The following EYA1 variants were observed in gnomAD, a reference collection of about 807,000 sequenced individuals.
The protein encoded by EYA1 is protein phosphatase EYA1.
In EYA1, 16 loss-of-function variants were observed where a neutral mutation model predicts 82.0. The observed-to-expected ratio is 0.20, with a 90% confidence interval of 0.13 to 0.30. The LOEUF (loss-of-function observed/expected upper bound fraction) is 0.30. Ranked by LOEUF, EYA1 falls within the 10% of genes least tolerant of loss-of-function variation. EYA1 has a pLI of 1.00. For missense variants in EYA1, 633 were observed against 730.7 expected (o/e 0.87, Z 1.54); for synonymous variants, 261 against 264.4 (o/e 0.99, Z 0.12).
chr8:71,317,327 A>G (rs1392617951), intron 7 of EYA1, among the ~76,000 whole-genome samples: 1 of 152,190 alleles, frequency 6.6e-6, no homozygotes, highest in African/African-American at 2.4e-5. Context: ...GCTTTTTGGA[A>G]AGAATGTTAT....
At chr8:71,439,136 T>C (rs1039443822) in intron 2 of EYA1, among the ~76,000 whole-genome samples, 1 of 152,160 alleles carries the variant, frequency 6.6e-6, no homozygotes, top group East Asian at 1.9e-4. Context: ...GATGATTCTG[T>C]AAAGCTGAAT....
chr8:71,441,419 CCAGA>C (rs559257635), intron 2 of EYA1, among the ~76,000 whole-genome samples: 43 of 151,974 alleles, frequency 2.8e-4, no homozygotes, highest in Non-Finnish European at 4.9e-4. Context: ...CAAAAAATCA[CCAGA>C]CAAACAAACC....
intron 2 of EYA1, among the ~76,000 whole-genome samples, chr8:71,371,574 C>A (rs1036318013): frequency 1.3e-5 from 2 of 152,102 alleles, no homozygotes; most frequent in South Asian, 2.1e-4. Flanking sequence ...AGTTAATGCC[C>A]TACTGTTAAA....
Position 71,289,226 on chromosome 8 carries a change from G to A in EYA1, c.826+9821C>T, listed in dbSNP as rs111501845. 4.3e-3 allele frequency among the ~76,000 whole-genome samples: 659 copies of A among 152,300 alleles called. 4 individuals carry two copies. The highest frequency in any genetic ancestry group is 0.014 in the African/African-American group (567 of 41,558). On this transcript the variant is annotated intron_variant, in intron 9 of 17. Coordinates refer to ENST00000340726, the MANE Select transcript of EYA1 (RefSeq NM_000503.6). ...TTTAAGTAGGATACAGGGGAAGCAC[G>A]GAGTGAACTGATTCAGGAAGTGGAA... is the stretch of plus-strand genomic sequence containing the variant.
intron 12 of EYA1, among the ~76,000 whole-genome samples, chr8:71,229,349 T>C (rs1236669635): frequency 6.6e-6 from 1 of 152,216 alleles, no homozygotes. Context: ...TTGTGTCATG[T>C]GTATTTCACG....
intron 2 of EYA1, among the ~76,000 whole-genome samples, chr8:71,428,941 T>G (rs935185190): frequency 6.6e-6 from 1 of 152,146 alleles, no homozygotes; most frequent in Non-Finnish European, 1.5e-5. Flanking sequence ...TCAAGTAGGC[T>G]TCATTGAACC....
At chr8:71,380,641 C>A (rs958183285) in intron 2 of EYA1, among the ~76,000 whole-genome samples, 3 of 152,228 alleles carry the variant, frequency 2.0e-5, no homozygotes, top group African/African-American at 7.2e-5. Context: ...TTTAACTTAG[C>A]ATTACCCTAG....
rs183257072 is a variant in EYA1 at position 71,496,948 on chromosome 8, G to T, written c.33+38796C>A. Among the ~76,000 whole-genome samples, 405 of 149,984 alleles carry T rather than the reference G, an allele frequency of 2.7e-3. 1 individual carries two copies. Among genetic ancestry groups the T allele is most frequent in the African/African-American group, 9.6e-3 (394 of 40,922 alleles). On this transcript the variant is annotated intron_variant, in intron 2 of 18. Transcript: ENST00000643681. ...AAAAGGAAGAGTCATCAATTAAAGT[G>T]CAATCATATGACCCCAAAAGCACAG...
Position 71,347,042 on chromosome 8 carries a change from T to C in EYA1, c.124+7740A>G, listed in dbSNP as rs927108199. 2.6e-5 allele frequency among the ~76,000 whole-genome samples: 4 copies of C among 152,190 alleles called. No individual in the cohort carries two copies. In the South Asian group the frequency reaches 8.3e-4, roughly 32 times the overall value. ...GTGAAACACACATATAAATGAATGT[T>C]GTATATCTTTCATCTTGGCCACAAT... On this transcript the variant is annotated intron_variant, in intron 3 of 17. Transcript: ENST00000340726.
intron 12 of EYA1, among the ~76,000 whole-genome samples, chr8:71,227,662 G>T (rs1246291512): frequency 6.6e-6 from 1 of 152,076 alleles, no homozygotes; most frequent in African/African-American, 2.4e-5. Context: ...ATATTAAATA[G>T]GTCATACATT....
At chr8:71,384,768 A>G (rs1295364160) in intron 2 of EYA1, among the ~76,000 whole-genome samples, 3 of 152,238 alleles carry the variant, frequency 2.0e-5, no homozygotes, top group Non-Finnish European at 4.4e-5. Flanking sequence ...AATTCAACAC[A>G]GAATCCCTTT....
At chr8:71,477,712 C>T (rs530043467) in intron 2 of EYA1, among the ~76,000 whole-genome samples, 1 of 152,188 alleles carries the variant, frequency 6.6e-6, no homozygotes, top group Non-Finnish European at 1.5e-5. Context: ...TATGGCTCAG[C>T]ATGTCTACTC....
At chr8:71,299,970 T>C (rs1303311973) in intron 7 of EYA1, among the ~76,000 whole-genome samples, 3 of 152,222 alleles carry the variant, frequency 2.0e-5, no homozygotes, top group Non-Finnish European at 1.5e-5. Flanking sequence ...AAATAATACA[T>C]TTGTGTAAAA....
intron 2 of EYA1, among the ~76,000 whole-genome samples, chr8:71,474,685 GT>G (rs745970326): frequency 1.3e-5 from 2 of 151,990 alleles, no homozygotes; most frequent in Non-Finnish European, 2.9e-5. Context: ...AATGGCAAGG[GT>G]TTTTATTTCT....
rs768120097 is a variant in EYA1, at chr8:71,216,792, C to A, written c.1260G>T (p.Leu420Phe). 3 of 1,613,956 alleles carry A rather than the reference C, an allele frequency of 1.9e-6. No individual in the cohort carries two copies. Among genetic ancestry groups the A allele is most frequent in the Non-Finnish European group, 2.5e-6 (3 of 1,179,984 alleles). Residue 420 changes from leucine to phenylalanine, a missense_variant, in exon 14 of 18, where the codon TTG (leucine) becomes TTT (phenylalanine). Transcript: ENST00000340726. ...PAAATSANLC[L>F]ATGVRGGVDW... is the part of the protein sequence containing the mutation. ...CCACACCGCCCCGTACACCAGTTGC[C>A]AAACATAAGTTAGCACTGGTTGCTG...
intron 2 of EYA1, among the ~76,000 whole-genome samples, chr8:71,433,170 G>T (rs4434652): frequency 0.38 from 58,217 of 151,876 alleles, 11,820 homozygotes; most frequent in Non-Finnish European, 0.45. Context: ...AGTATGAAAG[G>T]TATATATTTA....
intron 2 of EYA1, among the ~76,000 whole-genome samples, chr8:71,480,836 C>A (rs995168201): frequency 2.0e-5 from 3 of 152,028 alleles, no homozygotes; most frequent in Non-Finnish European, 2.9e-5. Context: ...CTATGCCTTG[C>A]AAGTTAAACA....
intron 2 of EYA1, among the ~76,000 whole-genome samples, chr8:71,534,486 A>T (rs1023592480): frequency 6.6e-6 from 1 of 152,206 alleles, no homozygotes; most frequent in African/African-American, 2.4e-5. Flanking sequence ...GCACTTGACC[A>T]TTTGTTATTA....
At position 71,211,142 on chromosome 8, in the gene EYA1, C is replaced by G. The variant is rs373281401; in HGVS notation, c.1698+14G>C. ...AAACAAATGAGACAAGATGCACCATCTAGGAATGCTCACCTTTTTTGCTCC... is the reference window on the plus strand; with the variant it reads ...AAACAAATGAGACAAGATGCACCATGTAGGAATGCTCACCTTTTTTGCTCC... On this transcript the variant is annotated intron_variant, in intron 17 of 17. Transcript: ENST00000340726. The G allele has an allele frequency of 8.1e-5, 124 of 1,535,854 alleles. No homozygotes were observed. The highest frequency in any genetic ancestry group is 1.1e-4 in the Non-Finnish European group (123 of 1,108,928).
Sources: gnomAD v4.1 joint callset for allele counts (sites outside exome capture counted in the v4.1 genomes callset) on GRCh38, gnomAD v4.1.1 for gene constraint, MANE v1.5 for transcripts, NCBI Gene and HGNC (gene_info 2026-07-23, HGNC 2026-07-21) for gene names.